The following PPP4R4 variants were observed in gnomAD, a reference collection of about 807,000 sequenced individuals.
The protein encoded by PPP4R4 is protein phosphatase 4 regulatory subunit 4, also known as serine/threonine-protein phosphatase 4 regulatory subunit 4.
In PPP4R4, 70 loss-of-function variants were observed where a neutral mutation model predicts 121.8. The observed-to-expected ratio is 0.57, with a 90% CI of 0.47 to 0.70. PPP4R4 has a LOEUF of 0.70. Ranked by LOEUF, PPP4R4 falls within the 30% of genes least tolerant of loss-of-function variation. The pLI, the probability that PPP4R4 is intolerant of heterozygous loss-of-function variation, is 0.00. For synonymous variants in PPP4R4, 348 were observed against 355.7 expected, an observed-to-expected ratio of 0.98 and a Z score of 0.24; for missense variants, 875 against 1,033.6, an observed-to-expected ratio of 0.85 and a Z score of 2.10.
intron 2 of PPP4R4, among the ~76,000 whole-genome samples, chr14:94,186,019 G>T (rs2139390309): frequency 6.6e-6 from 1 of 152,214 alleles, no homozygotes; most frequent in South Asian, 2.1e-4. Flanking sequence ...GCCTGTTCTG[G>T]AATCTAGCCA....
intron 8 of PPP4R4, 65 bp downstream of exon 8, chr14:94,237,751 A>G (rs1291130195): frequency 1.3e-6 from 2 of 1,532,408 alleles, no homozygotes; most frequent in African/African-American, 1.4e-5. Flanking sequence ...TATGTCACTA[A>G]TAAGGAATAA....
At chr14:94,267,569 C>T (rs1244695623) in intron 23 of PPP4R4, among the ~76,000 whole-genome samples, 4 of 152,136 alleles carry the variant, frequency 2.6e-5, no homozygotes, top group Non-Finnish European at 4.4e-5. Flanking sequence ...ACTTTATCTA[C>T]AAAAACAGGC....
Position 94,264,172 on chromosome 14 carries a change from G to A in PPP4R4, c.2128-706G>A, listed in dbSNP as rs145182224. ...ATATTTATGTATGTATATTTGAGAT[G>A]GAGTCTCACTCTGTCACCCAGGCTG... On this transcript the variant is annotated intron_variant, in intron 19 of 24. Coordinates refer to ENST00000304338, the MANE Select transcript of PPP4R4 (RefSeq NM_058237.2). 6.2e-3 allele frequency among the ~76,000 whole-genome samples: 937 copies of A among 152,154 alleles called. 33 individuals carry two copies. In the South Asian group the frequency reaches 0.079, roughly 13 times the overall value.
At chr14:94,242,224 ATATTAGG>A in intron 10 of PPP4R4, 58 bp from the exon 11 acceptor site, 1 of 1,512,066 alleles carries the variant, frequency 6.6e-7, no homozygotes, top group Non-Finnish European at 9.1e-7. Context: ...AACGATTATA[ATATTAGG>A]TATTGATGCA....
intron 3 of PPP4R4, among the ~76,000 whole-genome samples, chr14:94,223,484 C>T (rs1891525852): frequency 6.6e-6 from 1 of 152,132 alleles, no homozygotes; most frequent in Non-Finnish European, 1.5e-5. Flanking sequence ...AGGGGCTTAC[C>T]AGGGACTCTG....
intron 3 of PPP4R4, among the ~76,000 whole-genome samples, chr14:94,216,558 A>C (rs1364982597): frequency 6.6e-6 from 1 of 152,226 alleles, no homozygotes; most frequent in Non-Finnish European, 1.5e-5. Context: ...TCTGTGAGAA[A>C]GACTAGGGGA....
At chr14:94,210,135 A>G (rs1416258611) in intron 3 of PPP4R4, among the ~76,000 whole-genome samples, 1 of 151,472 alleles carries the variant, frequency 6.6e-6, no homozygotes, top group East Asian at 1.9e-4. Context: ...TATTAAAACC[A>G]TATCTTCTAT....
At chr14:94,192,284 T>C (rs959385320) in intron 2 of PPP4R4, among the ~76,000 whole-genome samples, 3 of 152,162 alleles carry the variant, frequency 2.0e-5, no homozygotes, top group African/African-American at 7.2e-5. Context: ...AAATATGCTA[T>C]ATTTGAAAAA....
At chr14:94,235,587 G>A (rs1435027520) in intron 7 of PPP4R4, among the ~76,000 whole-genome samples, 1 of 151,654 alleles carries the variant, frequency 6.6e-6, no homozygotes, top group East Asian at 1.9e-4. Context: ...TTTTAGTAGA[G>A]ACGGGGTTTC....
intron 23 of PPP4R4, among the ~76,000 whole-genome samples, chr14:94,268,181 T>A (rs1344101634): frequency 2.6e-5 from 4 of 152,072 alleles, no homozygotes; most frequent in Non-Finnish European, 5.9e-5. Flanking sequence ...AAATATAGAG[T>A]GCCTTTAAAA....
rs1595515863 is a variant in PPP4R4, at chr14:94,242,346, T to C, written c.1204T>C (p.Phe402Leu). The change falls in exon 11 of 25, where the codon TTC becomes CTC. Residue 402 changes from phenylalanine (F) to leucine (L), a missense_variant. Physicochemically the swap from Phe to Leu is conservative, Grantham distance 22. Coordinates refer to ENST00000304338, the MANE Select transcript of PPP4R4 (RefSeq NM_058237.2). ...CCACATGGAACTCTATTCTACATTCTTCTGCCTTTGCCATGACCCTGAAGT... is the reference window on the plus strand; with the variant it reads ...CCACATGGAACTCTATTCTACATTCCTCTGCCTTTGCCATGACCCTGAAGT... The part of the protein sequence containing the change: ...NFHMELYSTF[F>L]CLCHDPEVPV... 4 of 1,609,368 alleles carry C rather than the reference T, an allele frequency of 2.5e-6. No homozygotes were observed. In the East Asian group the frequency reaches 8.9e-5, roughly 36 times the overall value.
intron 19 of PPP4R4, among the ~76,000 whole-genome samples, chr14:94,261,036 G>A (rs1893759804): frequency 6.6e-6 from 1 of 151,864 alleles, no homozygotes; most frequent in Admixed American, 6.6e-5. Context: ...AGCACCATTT[G>A]TTAAAAAGCC....
chr14:94,263,766 C>T (rs978732140), intron 19 of PPP4R4, among the ~76,000 whole-genome samples: 10 of 152,140 alleles, frequency 6.6e-5, no homozygotes, highest in Admixed American at 5.2e-4. Context: ...CTCCGTTAAT[C>T]CAACCCAATG....
chr14:94,188,184 A>G (rs1889391450), intron 2 of PPP4R4, among the ~76,000 whole-genome samples: 1 of 152,050 alleles, frequency 6.6e-6, no homozygotes, highest in Non-Finnish European at 1.5e-5. Context: ...TTCTGTATCT[A>G]TTGATATGGT....
At chr14:94,179,992 G>C (rs901587213) in intron 2 of PPP4R4, among the ~76,000 whole-genome samples, 1 of 152,132 alleles carries the variant, frequency 6.6e-6, no homozygotes, top group Non-Finnish European at 1.5e-5. Context: ...GTCATATCTT[G>C]TTCCACAATT....
At chr14:94,260,099 G>A (rs1422350788) in intron 19 of PPP4R4, among the ~76,000 whole-genome samples, 1 of 151,954 alleles carries the variant, frequency 6.6e-6, no homozygotes, top group Non-Finnish European at 1.5e-5. Context: ...GATTTGTATG[G>A]CATGCTTAAC....
intron 3 of PPP4R4, among the ~76,000 whole-genome samples, chr14:94,226,978 C>T (rs1457518617): frequency 6.6e-6 from 1 of 152,068 alleles, no homozygotes; most frequent in African/African-American, 2.4e-5. Context: ...ATAATACAGG[C>T]TTGTTGGAGA....
intron 11 of PPP4R4, among the ~76,000 whole-genome samples, chr14:94,242,976 G>A (rs554785023): frequency 6.6e-6 from 1 of 152,232 alleles, no homozygotes; most frequent in East Asian, 1.9e-4. Context: ...GTATGCCGTG[G>A]TTGCAATAAA....
intron 3 of PPP4R4, among the ~76,000 whole-genome samples, chr14:94,227,085 C>T (rs988380233): frequency 2.0e-5 from 3 of 152,172 alleles, no homozygotes; most frequent in South Asian, 4.1e-4. Flanking sequence ...TAAACACAGA[C>T]GTGTCTACTG....
Sources: allele counts gnomAD v4.1 joint callset (sites outside exome capture counted in the v4.1 genomes callset), GRCh38; gene constraint gnomAD v4.1.1; transcripts MANE v1.5; gene names NCBI Gene and HGNC (gene_info 2026-07-23, HGNC 2026-07-21).